Variants in MYH10 observed in about 807,000 individuals in gnomAD.
MYH10 encodes the protein myosin-10.
A neutral mutation model predicts 257.8 loss-of-function variants in MYH10; 55 were observed. The observed-to-expected ratio is 0.21, with a 90% CI of 0.17 to 0.27. The LOEUF (loss-of-function observed/expected upper bound fraction) is 0.27. MYH10 is among the 10% of genes least tolerant of loss of function. MYH10 has a pLI of 1.00. For synonymous variants in MYH10, 854 were observed against 921.7 expected (o/e 0.93, Z 1.33); for missense variants, 1,631 against 2,500.6 (o/e 0.65, Z 7.42).
Position 8,475,930 on chromosome 17 carries a change from G to C in MYH10, c.5898C>G (p.Ser1966Arg). ...GCCGGCCAGATCGGCTGGAAGAGAA[G>C]CTGATGGGGCCACCCCGCCTGGAGA... is the stretch of plus-strand genomic sequence containing the variant. Reference protein sequence around the residue: ...KNRLRRGGPISFSSSRSGRRQ... With the variant: ...KNRLRRGGPIRFSSSRSGRRQ... The change falls in exon 43 of 43, where the codon AGC becomes AGG. Residue 1966 changes from serine to arginine, a missense_variant. Ser to Arg is a moderately radical substitution (Grantham distance 110, BLOSUM62 -1). Coordinates refer to ENST00000360416, the MANE Select transcript of MYH10 (RefSeq NM_001256012.3). 1 of 1,613,770 alleles carries C rather than the reference G, an allele frequency of 6.2e-7. No individual in the cohort carries two copies.
intron 2 of MYH10, among the ~76,000 whole-genome samples, chr17:8,620,601 G>T (rs2085427865): frequency 6.6e-6 from 1 of 152,038 alleles, no homozygotes; most frequent in African/African-American, 2.4e-5. Flanking sequence ...GTCCAAAAAA[G>T]GTTCTACCCA....
In MYH10 at chr17:8,506,511, G is replaced by A. The variant is rs1281612478; in HGVS notation, c.3215-22C>T. ...CGTTCTTTAAGGTAAGACATAAGAAGCTCTTCAACACACCGAGTGACTCAC... is the reference window on the plus strand; with the variant it reads ...CGTTCTTTAAGGTAAGACATAAGAAACTCTTCAACACACCGAGTGACTCAC... On this transcript the variant is annotated intron_variant, in intron 26 of 42. Transcript: ENST00000360416. The surrounding 1 kb of genome is among the most constrained non-coding windows in gnomAD (Gnocchi z 5.0). 2 of 1,602,808 alleles carry A rather than the reference G, an allele frequency of 1.2e-6. No homozygotes were observed. The highest frequency in any genetic ancestry group is 1.8e-5 in the Admixed American group (1 of 55,968).
At chr17:8,557,395 C>A (rs2082840579) in intron 7 of MYH10, among the ~76,000 whole-genome samples, 1 of 151,988 alleles carries the variant, frequency 6.6e-6, no homozygotes, top group African/African-American at 2.4e-5. Flanking sequence ...ACACTGACTT[C>A]CTGCTTGAGG....
rs758327808 is a variant in MYH10 at position 8,512,431 on chromosome 17, G to A, written c.2952+20C>T. 1.5e-5 allele frequency: 23 copies of A among 1,581,030 alleles called. No individual in the cohort carries two copies. The highest frequency in any genetic ancestry group is 2.3e-5 in the South Asian group (2 of 86,304). ...TTGAAAATCCAAAATATGCTTCTAAGTAAAAATTATTATACATACCTGAAT... is the reference window on the plus strand; with the variant it reads ...TTGAAAATCCAAAATATGCTTCTAAATAAAAATTATTATACATACCTGAAT... On this transcript the variant is annotated intron_variant, in intron 24 of 42. Coordinates refer to ENST00000360416, the MANE Select transcript of MYH10 (RefSeq NM_001256012.3).
intron 7 of MYH10, among the ~76,000 whole-genome samples, chr17:8,556,375 C>T (rs2082797661): frequency 6.6e-6 from 1 of 152,182 alleles, no homozygotes; most frequent in South Asian, 2.1e-4. Context: ...CAATGTCCAC[C>T]AACTGGTGAA....
At position 8,552,799 on chromosome 17, in the gene MYH10, C is replaced by T. The variant is rs977516476; in HGVS notation, c.821-655G>A. ...TCTTCCCTCTGCTGCTCTGAAGAAC[C>T]GGTGCGGCCAGTACCTACGCCTGCT... is the stretch of plus-strand genomic sequence containing the variant. On this transcript the variant is annotated intron_variant, in intron 8 of 42. Coordinates refer to ENST00000360416, the MANE Select transcript of MYH10 (RefSeq NM_001256012.3). The surrounding 1 kb of genome is among the most constrained non-coding windows in gnomAD (Gnocchi z 4.8). Among the ~76,000 whole-genome samples, 3 of 152,180 alleles carry T rather than the reference C, an allele frequency of 2.0e-5. No individual in the cohort carries two copies. Among genetic ancestry groups the T allele is most frequent in the South Asian group, 2.1e-4 (1 of 4,826 alleles).
intron 36 of MYH10, among the ~76,000 whole-genome samples, chr17:8,485,610 AAAAAT>A (rs1424612234): frequency 6.6e-6 from 1 of 152,182 alleles, no homozygotes; most frequent in Non-Finnish European, 1.5e-5. Flanking sequence ...TTAGAGAAAT[AAAAAT>A]AAAAGCCACA....
intron 40 of MYH10, among the ~76,000 whole-genome samples, chr17:8,479,393 A>G (rs1449382036): frequency 1.3e-5 from 2 of 152,234 alleles, no homozygotes; most frequent in African/African-American, 4.8e-5. Context: ...CTTAACAAAT[A>G]TTATGCAAAA....
chr17:8,594,899 AG>A (rs1272289398), intron 3 of MYH10, among the ~76,000 whole-genome samples: 1 of 152,262 alleles, frequency 6.6e-6, no homozygotes, highest in Admixed American at 6.5e-5. Context: ...TCTTCAGTAC[AG>A]GCGCAACCAT....
intron 14 of MYH10, 97 bp from the exon 15 acceptor site, chr17:8,536,028 A>C: frequency 8.5e-7 from 1 of 1,173,022 alleles, no homozygotes; most frequent in Non-Finnish European, 1.2e-6. Flanking sequence ...AGTTTTATGA[A>C]GATCCATGGA....
intron 19 of MYH10, among the ~76,000 whole-genome samples, chr17:8,519,921 A>C (rs189412149): frequency 7.2e-5 from 11 of 152,360 alleles, no homozygotes; most frequent in African/African-American, 2.4e-4. Context: ...CTGCAAGTTG[A>C]TAGATCTTTT....
intron 4 of MYH10, 69 bp downstream of exon 4, chr17:8,589,012 C>A (rs1026825266): frequency 2.5e-5 from 37 of 1,485,146 alleles, no homozygotes; most frequent in Non-Finnish European, 3.2e-5. Flanking sequence ...CCCCTCCCCC[C>A]AGACAAAAAT....
chr17:8,580,274 G>A (rs988793367), intron 4 of MYH10, among the ~76,000 whole-genome samples: 1 of 151,678 alleles, frequency 6.6e-6, no homozygotes, highest in Non-Finnish European at 1.5e-5. Flanking sequence ...TCAAGTAGAC[G>A]CTGAGGTTTT....
intron 10 of MYH10, 85 bp from the exon 11 acceptor site, chr17:8,548,493 T>C (rs1194523002): frequency 1.4e-6 from 2 of 1,388,344 alleles, no homozygotes; most frequent in Non-Finnish European, 2.0e-6. Context: ...GTGCTAAAAA[T>C]TAGCTATACA....
Position 8,521,303 on chromosome 17 carries a change from G to A in MYH10, c.1958-18C>T. 6.2e-7 allele frequency: 1 copy of A among 1,611,840 alleles called. No individual in the cohort carries two copies. Among genetic ancestry groups the A allele is most frequent in the Non-Finnish European group, 8.5e-7 (1 of 1,178,042 alleles). The stretch of plus-strand genomic sequence containing the variant: ...ACGGTCCACTGGGGAGAAGAAAGGA[G>A]AAAACAAATATAAGCCAAACCTCAC... On this transcript the variant is annotated intron_variant, in intron 17 of 42. Transcript: ENST00000360416.
chr17:8,491,908 G>A (rs1915831248), intron 34 of MYH10, among the ~76,000 whole-genome samples: 1 of 152,168 alleles, frequency 6.6e-6, no homozygotes, highest in Non-Finnish European at 1.5e-5. Flanking sequence ...CAGGTCAGAG[G>A]GAGCTGCCAT....
chr17:8,508,027 C>T (rs111752912), intron 26 of MYH10, among the ~76,000 whole-genome samples: 153 of 152,118 alleles, frequency 1.0e-3, no homozygotes, highest in African/African-American at 3.3e-3. Context: ...CAAGGCAACA[C>T]AAAATAATCT....
At chr17:8,560,744 C>T (rs374904935) in intron 7 of MYH10, 2 of 614,894 alleles carry the variant, frequency 3.3e-6, no homozygotes, top group Non-Finnish European at 3.1e-6. Flanking sequence ...CATCCTGAAG[C>T]ACACAGGTCC....
chr17:8,562,006 A>C lies in MYH10; in HGVS notation c.756+7714T>G, dbSNP rs141740351. Among the ~76,000 whole-genome samples, 232 of 152,358 alleles carry C rather than the reference A, an allele frequency of 1.5e-3. 4 individuals are homozygous for C. The Middle Eastern group carries it at 0.024, about 16-fold the overall frequency. ...CTGAAAATATATTTGGTAACCAATA[A>C]ATCTCAGTTATAAGCCAAAGCACTA... On this transcript the variant is annotated intron_variant, in intron 7 of 42. Transcript: ENST00000360416.
Sources: allele counts gnomAD v4.1 joint callset (sites outside exome capture counted in the v4.1 genomes callset), GRCh38; gene constraint gnomAD v4.1.1; non-coding constraint Gnocchi (gnomAD v3.1); transcripts MANE v1.5; gene names NCBI Gene and HGNC (gene_info 2026-07-23, HGNC 2026-07-21).